The following MCTP1 variants were observed in gnomAD, a reference collection of about 807,000 sequenced individuals.
MCTP1 encodes the protein multiple C2 and transmembrane domain-containing protein 1.
In MCTP1, 69 loss-of-function variants were observed where a neutral mutation model predicts 120.6. The observed-to-expected ratio is 0.57, with a 90% CI of 0.47 to 0.70. The LOEUF (loss-of-function observed/expected upper bound fraction) is 0.70, where lower values mean the gene tolerates loss of function less well. Ranked by LOEUF, MCTP1 falls within the 30% of genes least tolerant of loss-of-function variation. MCTP1 has a pLI of 0.00. For missense variants in MCTP1, 1,203 were observed against 1,248.8 expected, an observed-to-expected ratio of 0.96 and a Z score of 0.55; for synonymous variants, 529 against 493.1, an observed-to-expected ratio of 1.07 and a Z score of -0.96.
intron 18 of MCTP1, among the ~76,000 whole-genome samples, chr5:94,796,144 C>A (rs1451525465): frequency 3.3e-5 from 5 of 152,302 alleles, no homozygotes; most frequent in East Asian, 1.9e-4. Flanking sequence ...TCTTCTTCAA[C>A]TTCGTATGTC....
intron 1 of MCTP1, among the ~76,000 whole-genome samples, chr5:95,147,754 G>A (rs1022218717): frequency 1.3e-5 from 2 of 152,076 alleles, no homozygotes; most frequent in African/African-American, 4.8e-5. Context: ...TTGTTAACTG[G>A]TTGTTTTGTA....
chr5:95,115,760 G>A (rs77308630), intron 1 of MCTP1, among the ~76,000 whole-genome samples: 2,155 of 152,164 alleles, frequency 0.014, 18 homozygotes, highest in Middle Eastern at 0.024. Context: ...GCTAGAGAAA[G>A]ATAATATCTG....
chr5:95,210,814 G>A (rs1025051057), intron 1 of MCTP1, among the ~76,000 whole-genome samples: 25 of 151,974 alleles, frequency 1.6e-4, no homozygotes, highest in African/African-American at 3.6e-4. Flanking sequence ...GGCTGGTACC[G>A]GTTGTTCCTT....
chr5:94,795,808 A>C (rs1223936226), intron 18 of MCTP1, among the ~76,000 whole-genome samples: 1 of 152,220 alleles, frequency 6.6e-6, no homozygotes, highest in Non-Finnish European at 1.5e-5. Context: ...GCACCCTCTG[A>C]GTCTACAGTT....
chr5:94,966,016 T>A (rs1825502544), intron 2 of MCTP1, among the ~76,000 whole-genome samples: 1 of 152,166 alleles, frequency 6.6e-6, no homozygotes, highest in African/African-American at 2.4e-5. Flanking sequence ...TATTTATAGA[T>A]TACTCAGTCC....
chr5:95,168,901 C>A (rs1348590606), intron 1 of MCTP1, among the ~76,000 whole-genome samples: 1 of 152,096 alleles, frequency 6.6e-6, no homozygotes, highest in South Asian at 2.1e-4. Context: ...CTTTCTCCTG[C>A]CTGATTGCCC....
At chr5:95,174,305 TATTA>T (rs1472639579) in intron 1 of MCTP1, among the ~76,000 whole-genome samples, 5 of 152,198 alleles carry the variant, frequency 3.3e-5, no homozygotes, top group African/African-American at 7.2e-5. Context: ...TCAAAACCCG[TATTA>T]ATTATTAATG....
intron 1 of MCTP1, among the ~76,000 whole-genome samples, chr5:95,166,631 G>A (rs1216388543): frequency 1.4e-4 from 20 of 143,008 alleles, no homozygotes; most frequent in Non-Finnish European, 2.7e-4. Context: ...GCAGTGGCAC[G>A]ATCTCGGCTC....
At chr5:95,214,392 T>C (rs1418154251) in intron 1 of MCTP1, among the ~76,000 whole-genome samples, 12 of 151,744 alleles carry the variant, frequency 7.9e-5, no homozygotes, top group African/African-American at 2.7e-4. Context: ...TGTGGAGAAA[T>C]AGGAACACTT....
At chr5:95,203,942 T>A (rs1423420770) in intron 1 of MCTP1, among the ~76,000 whole-genome samples, 1 of 152,216 alleles carries the variant, frequency 6.6e-6, no homozygotes, top group Non-Finnish European at 1.5e-5. Flanking sequence ...TTTTATTAGA[T>A]TTTTGTAAAT....
intron 1 of MCTP1, among the ~76,000 whole-genome samples, chr5:95,025,133 A>T (rs1838999815): frequency 6.6e-6 from 1 of 152,212 alleles, no homozygotes; most frequent in Non-Finnish European, 1.5e-5. Flanking sequence ...GAAAAGAACG[A>T]AGCTAGAGGC....
chr5:94,807,088 G>A (rs937661404), intron 17 of MCTP1, among the ~76,000 whole-genome samples: 5 of 151,772 alleles, frequency 3.3e-5, no homozygotes, highest in South Asian at 2.1e-4. Context: ...TTCATCATTC[G>A]ACAATATCTG....
chr5:94,790,289 C>T (rs763037776), intron 18 of MCTP1, among the ~76,000 whole-genome samples: 10 of 152,148 alleles, frequency 6.6e-5, no homozygotes, highest in African/African-American at 9.7e-5. Flanking sequence ...GTTAGGGATG[C>T]CAATGGGAGG....
chr5:95,070,811 C>T (rs60243215), intron 1 of MCTP1, among the ~76,000 whole-genome samples: 464 of 152,266 alleles, frequency 3.0e-3, no homozygotes, highest in African/African-American at 0.011. Context: ...GAGGTAGGAA[C>T]AACAAAGTTT....
chr5:95,129,364 C>T (rs951961021), intron 1 of MCTP1, among the ~76,000 whole-genome samples: 2 of 152,248 alleles, frequency 1.3e-5, no homozygotes, highest in Non-Finnish European at 2.9e-5. Context: ...GTTCATCACG[C>T]TTGGTCTTCA....
At chr5:95,043,729 T>C (rs1842724553) in intron 1 of MCTP1, among the ~76,000 whole-genome samples, 3 of 152,206 alleles carry the variant, frequency 2.0e-5, no homozygotes. Flanking sequence ...TCCCGTGAAC[T>C]GCCTGGGCAT....
chr5:94,932,533 T>C (rs1167336125), intron 5 of MCTP1, among the ~76,000 whole-genome samples: 1 of 152,064 alleles, frequency 6.6e-6, no homozygotes, highest in East Asian at 1.9e-4. Context: ...AGTGAAAGCA[T>C]ATCCTTTAAA....
At chr5:95,047,212 CTCTACTTTG>C (rs1469964962) in intron 1 of MCTP1, among the ~76,000 whole-genome samples, 2 of 152,154 alleles carry the variant, frequency 1.3e-5, no homozygotes, top group African/African-American at 2.4e-5. Context: ...GTACTCTAGT[CTCTACTTTG>C]TCTACTTTGT....
chr5:95,121,936 CAA>C (rs70978167), intron 1 of MCTP1, among the ~76,000 whole-genome samples: 17 of 112,710 alleles, frequency 1.5e-4, no homozygotes, highest in Middle Eastern at 4.5e-3. Flanking sequence ...TATCCATATG[CAA>C]AAAAAAAAAA....
Sources: allele counts gnomAD v4.1 joint callset (sites outside exome capture counted in the v4.1 genomes callset), GRCh38; gene constraint gnomAD v4.1.1; transcripts MANE v1.5; gene names NCBI Gene and HGNC (gene_info 2026-07-23, HGNC 2026-07-21).